Variants in PPARGC1A observed in about 807,000 individuals in gnomAD.
PPARGC1A encodes the protein peroxisome proliferator-activated receptor gamma coactivator 1-alpha.
In PPARGC1A, 25 loss-of-function variants were observed where a neutral mutation model predicts 88.7. The observed-to-expected ratio is 0.28, with a 90% CI of 0.21 to 0.39. The LOEUF is 0.39. Ranked by LOEUF, PPARGC1A falls within the 10% of genes least tolerant of loss-of-function variation. PPARGC1A has a pLI of 1.00. For synonymous variants in PPARGC1A, 363 were observed against 355.6 expected (o/e 1.02, Z -0.24); for missense variants, 880 against 968.7 (o/e 0.91, Z 1.22).
chr4:24,118,462 T>C, the PPARGC1A span, among the ~76,000 whole-genome samples: 1 of 152,132 alleles, frequency 6.6e-6, no homozygotes, highest in Non-Finnish European at 1.5e-5. Flanking sequence ...TGCCCTCTGC[T>C]AAACAGGAAA....
the PPARGC1A span, among the ~76,000 whole-genome samples, chr4:24,457,795 C>A: frequency 5.3e-5 from 8 of 152,060 alleles, no homozygotes; most frequent in African/African-American, 1.9e-4. Flanking sequence ...GATCTCTTGA[C>A]CTCGTGATCC....
chr4:23,821,156 A>G (rs1435014135), intron 7 of PPARGC1A, among the ~76,000 whole-genome samples: 1 of 152,112 alleles, frequency 6.6e-6, no homozygotes, highest in Non-Finnish European at 1.5e-5. Context: ...TTAACATAAC[A>G]TATGTCAATT....
chr4:24,229,513 A>C, the PPARGC1A span, among the ~76,000 whole-genome samples: 5 of 151,754 alleles, frequency 3.3e-5, no homozygotes, highest in Non-Finnish European at 5.9e-5. Flanking sequence ...ACCCACTGGT[A>C]TACCCCTCAA....
the PPARGC1A span, among the ~76,000 whole-genome samples, chr4:24,030,558 T>C: frequency 1.3e-5 from 2 of 152,196 alleles, no homozygotes; most frequent in Admixed American, 1.3e-4. Flanking sequence ...TTCCCCGTAA[T>C]ACAGCAGTTA....
the PPARGC1A span, among the ~76,000 whole-genome samples, chr4:24,116,259 C>G: frequency 2.6e-5 from 4 of 151,984 alleles, no homozygotes; most frequent in African/African-American, 9.7e-5. Context: ...TATTGAGTGC[C>G]CTGTCTGGGC....
chr4:23,907,517 G>C (rs1033051991), upstream of PPARGC1A, among the ~76,000 whole-genome samples: 3 of 152,190 alleles, frequency 2.0e-5, no homozygotes, highest in African/African-American at 4.8e-5. Context: ...ACAAACCTGA[G>C]TGTGAAGTCC....
At chr4:24,347,593 T>C in the PPARGC1A span, among the ~76,000 whole-genome samples, 3 of 152,208 alleles carry the variant, frequency 2.0e-5, no homozygotes, top group Non-Finnish European at 2.9e-5. Flanking sequence ...GCTTTTGTTG[T>C]CCATTTGTAT....
At chr4:23,854,355 G>C (rs1282272794) in intron 2 of PPARGC1A, among the ~76,000 whole-genome samples, 1 of 152,140 alleles carries the variant, frequency 6.6e-6, no homozygotes, top group Non-Finnish European at 1.5e-5. Context: ...TTCAGAAAAG[G>C]CCTCTCCTAA....
the PPARGC1A span, among the ~76,000 whole-genome samples, chr4:24,237,249 T>A: frequency 2.0e-5 from 3 of 152,132 alleles, no homozygotes; most frequent in Non-Finnish European, 2.9e-5. Flanking sequence ...TGGATTTTTT[T>A]TTTTTTAGAT....
chr4:24,390,819 C>T, the PPARGC1A span, among the ~76,000 whole-genome samples: 1 of 151,974 alleles, frequency 6.6e-6, no homozygotes, highest in Non-Finnish European at 1.5e-5. Context: ...TTTCAAATCT[C>T]TCTGATACAA....
chr4:23,854,534 C>T (rs1309482545), intron 2 of PPARGC1A, among the ~76,000 whole-genome samples: 1 of 152,004 alleles, frequency 6.6e-6, no homozygotes, highest in African/African-American at 2.4e-5. Flanking sequence ...GACTGAGAGG[C>T]CATACAGTCC....
At chr4:24,100,577 A>AT in the PPARGC1A span, among the ~76,000 whole-genome samples, 1 of 152,298 alleles carries the variant, frequency 6.6e-6, no homozygotes, top group East Asian at 1.9e-4. Context: ...CAGATGACTG[A>AT]TTTTGTATAA....
At chr4:24,049,230 A>ATATG in the PPARGC1A span, among the ~76,000 whole-genome samples, 10 of 93,536 alleles carry the variant, frequency 1.1e-4, no homozygotes, top group African/African-American at 2.3e-4. Flanking sequence ...ATATATACAT[A>ATATG]TATATAAATA....
At chr4:24,225,619 C>T in the PPARGC1A span, among the ~76,000 whole-genome samples, 1 of 151,766 alleles carries the variant, frequency 6.6e-6, no homozygotes, top group South Asian at 2.1e-4. Context: ...AGCTGAATCC[C>T]ATGAGATTTA....
the PPARGC1A span, among the ~76,000 whole-genome samples, chr4:24,023,461 C>G: frequency 6.6e-6 from 1 of 152,174 alleles, no homozygotes; most frequent in South Asian, 2.1e-4. Context: ...CCCTTGGTGC[C>G]ACACACAGGC....
chr4:24,210,601 G>T, the PPARGC1A span, among the ~76,000 whole-genome samples: 11 of 152,108 alleles, frequency 7.2e-5, no homozygotes, highest in African/African-American at 2.7e-4. Flanking sequence ...ACCACGCAGA[G>T]GGGCACAGAC....
intron 2 of PPARGC1A, among the ~76,000 whole-genome samples, chr4:23,871,103 T>C (rs368548422): frequency 3.3e-4 from 51 of 152,340 alleles, no homozygotes; most frequent in Middle Eastern, 6.8e-3. Context: ...CAGACTTAGT[T>C]ATCTGCCAAG....
chr4:24,460,134 A>C, the PPARGC1A span, among the ~76,000 whole-genome samples: 2 of 152,230 alleles, frequency 1.3e-5, no homozygotes, highest in Non-Finnish European at 2.9e-5. Flanking sequence ...AGTGGATGCA[A>C]AGAGATTTAA....
At chr4:24,317,479 G>T in the PPARGC1A span, among the ~76,000 whole-genome samples, 2 of 146,952 alleles carry the variant, frequency 1.4e-5, no homozygotes, top group African/African-American at 5.0e-5. Flanking sequence ...GACTGAGCGG[G>T]GATTGGGATG....
Sources: allele counts gnomAD v4.1 joint callset (sites outside exome capture counted in the v4.1 genomes callset), GRCh38; gene constraint gnomAD v4.1.1; transcripts MANE v1.5; gene names NCBI Gene and HGNC (gene_info 2026-07-23, HGNC 2026-07-21).